PFKFB3: variants seen among roughly 807,000 people sequenced by gnomAD.
The protein encoded by PFKFB3 is 6-phosphofructo-2-kinase/fructose-2,6-biphosphatase 3.
PFKFB3 carries 33 observed loss-of-function variants against 68.0 expected under a neutral mutation model. The ratio of observed to expected loss-of-function variants is 0.49; its 90% confidence interval spans 0.37 to 0.65. The LOEUF is 0.65. Ranked by LOEUF, PFKFB3 falls within the 30% of genes least tolerant of loss-of-function variation. PFKFB3 has a pLI of 0.00. For missense variants in PFKFB3, 586 were observed against 712.2 expected (o/e 0.82, Z 2.02); for synonymous variants, 315 against 288.2 (o/e 1.09, Z -0.94).
the PFKFB3 span, among the ~76,000 whole-genome samples, chr10:6,262,433 C>G: frequency 3.5e-5 from 4 of 114,144 alleles, no homozygotes; most frequent in Non-Finnish European, 4.9e-5. Flanking sequence ...CCAGCCTGGG[C>G]GACAGCGAGA....
At chr10:6,159,872 C>G (rs921437286) in intron 1 of PFKFB3, among the ~76,000 whole-genome samples, 2 of 151,770 alleles carry the variant, frequency 1.3e-5, no homozygotes, top group Non-Finnish European at 2.9e-5. Flanking sequence ...AATCCCCCCA[C>G]CTCAGCCTCC....
intron 1 of PFKFB3, among the ~76,000 whole-genome samples, chr10:6,156,311 A>G (rs1841790305): frequency 6.6e-6 from 1 of 150,610 alleles, no homozygotes. Flanking sequence ...GCGCCACCAC[A>G]GTCTGCTTTT....
chr10:6,254,375 C>T (rs1039584166), exon 15 of PFKFB3: 1 of 398,556 alleles, frequency 2.5e-6, no homozygotes, highest in Non-Finnish European at 4.4e-6. Flanking sequence ...CCTAATGATA[C>T]CTGGCTGAAA....
chr10:6,271,741 C>T, the PFKFB3 span, among the ~76,000 whole-genome samples: 1 of 152,120 alleles, frequency 6.6e-6, no homozygotes, highest in Non-Finnish European at 1.5e-5. Flanking sequence ...ATACTGTGAC[C>T]CCAAATAGCC....
rs111595121 is a variant in PFKFB3, at chr10:6,164,917, G to A, written c.16+19904G>A. On this transcript the variant is annotated intron_variant, in intron 1 of 14. Coordinates refer to the PFKFB3 transcript ENST00000379789. Reference sequence around the variant, plus strand: ...CTCCTATCTCAGAATAGAACGAATGGGATTGGTCTGCTTTACACCGAGACA... The same window carrying A: ...CTCCTATCTCAGAATAGAACGAATGAGATTGGTCTGCTTTACACCGAGACA... Among the ~76,000 whole-genome samples, 360 of 152,116 alleles carry A rather than the reference G, an allele frequency of 2.4e-3. 2 individuals carry two copies. The highest frequency in any genetic ancestry group is 8.0e-3 in the African/African-American group (333 of 41,492).
rs371698685 is a variant in PFKFB3 at position 6,213,654 on chromosome 10, C to T, written c.108C>T (p.Thr36=). Residue 36 remains threonine, a synonymous_variant, in exon 2 of 15, where the codon ACC becomes ACT. Coordinates refer to ENST00000379775, the MANE Select transcript of PFKFB3 (RefSeq NM_004566.4). ...GGCCAAAGCTGACCAACTCCCCCACCGTCATCGTCATGGTGGGCCTCCCCG... is the reference window on the plus strand; with the variant it reads ...GGCCAAAGCTGACCAACTCCCCCACTGTCATCGTCATGGTGGGCCTCCCCG... ...SCGPKLTNSP[T]VIVMVGLPAR... 37 of 1,613,232 alleles carry T rather than the reference C, an allele frequency of 2.3e-5. No homozygotes were observed. The highest frequency in any genetic ancestry group is 1.2e-4 in the African/African-American group (9 of 75,034).
intron 1 of PFKFB3, chr10:6,197,623 C>T (rs551725317): frequency 1.3e-5 from 2 of 151,582 alleles, no homozygotes; most frequent in South Asian, 4.2e-4. Flanking sequence ...TCCTCCACAT[C>T]TTTTATTTTT....
At chr10:6,277,536 A>G in the PFKFB3 span, among the ~76,000 whole-genome samples, 1 of 152,000 alleles carries the variant, frequency 6.6e-6, no homozygotes, top group Non-Finnish European at 1.5e-5. Context: ...GGTGGTTTCT[A>G]ATGGTTTACA....
chr10:6,323,610 T>C, the PFKFB3 span, among the ~76,000 whole-genome samples: 3 of 152,208 alleles, frequency 2.0e-5, no homozygotes, highest in Admixed American at 1.3e-4. Context: ...CACATACAGA[T>C]TGAGAAATTT....
the PFKFB3 span, among the ~76,000 whole-genome samples, chr10:6,262,359 C>G: frequency 1.3e-5 from 1 of 76,438 alleles, no homozygotes; most frequent in Non-Finnish European, 2.9e-5. Context: ...GAGGCTGAGG[C>G]AGGAGAATGG....
chr10:6,292,644 A>G, the PFKFB3 span, among the ~76,000 whole-genome samples: 1 of 152,098 alleles, frequency 6.6e-6, no homozygotes, highest in East Asian at 1.9e-4. Context: ...ATTAAAAAAA[A>G]AAAAAACTAT....
chr10:6,214,742 C>G (rs990538071), intron 2 of PFKFB3, among the ~76,000 whole-genome samples: 1 of 152,190 alleles, frequency 6.6e-6, no homozygotes, highest in Non-Finnish European at 1.5e-5. Context: ...CAGCTCAGTG[C>G]CCAGGAACCA....
Position 6,173,419 on chromosome 10 carries a change from C to T in PFKFB3, c.16+28406C>T, listed in dbSNP as rs535678123. Among the ~76,000 whole-genome samples the T allele has an allele frequency of 1.1e-4, 16 of 152,260 alleles. No homozygotes were observed. In the Middle Eastern group the frequency reaches 0.01, roughly 97 times the overall value. ...GTGTCCTGTGCATATGGTTACAGCA[C>T]CGCTTCCTGTGAAGGAGTTGAGCTA... is the stretch of plus-strand genomic sequence containing the variant. On this transcript the variant is annotated intron_variant, in intron 1 of 14. Transcript: ENST00000379789.
chr10:6,192,664 C>CGTGTGTGTGTGTGTGTGTGTGTGT (rs34129264), intron 1 of PFKFB3, among the ~76,000 whole-genome samples: 1 of 128,792 alleles, frequency 7.8e-6, no homozygotes, highest in African/African-American at 2.8e-5. Context: ...TCCCCTCACC[C>CGTGTGTGTGTGTGTGTGTGTGTGT]GTGTGTGTGT....
At chr10:6,241,052 A>G (rs1846128384) in intron 14 of PFKFB3, among the ~76,000 whole-genome samples, 1 of 151,936 alleles carries the variant, frequency 6.6e-6, no homozygotes, top group South Asian at 2.1e-4. Context: ...TTACAGGTGC[A>G]CACCACCATG....
intron 1 of PFKFB3, among the ~76,000 whole-genome samples, chr10:6,160,478 G>A (rs1408860263): frequency 6.6e-6 from 1 of 152,160 alleles, no homozygotes; most frequent in Non-Finnish European, 1.5e-5. Flanking sequence ...AGCACTTTGG[G>A]AGGCTGAGGC....
intron 1 of PFKFB3, among the ~76,000 whole-genome samples, chr10:6,209,765 C>CTTTTTT (rs56822740): frequency 2.5e-5 from 3 of 121,266 alleles, no homozygotes; most frequent in Non-Finnish European, 1.6e-5. Context: ...CTTACCTTTT[C>CTTTTTT]TTTTTTTTTT....
chr10:6,203,123 C>T lies in PFKFB3; in HGVS notation c.-138C>T, dbSNP rs1843442982. 3.4e-6 allele frequency: 5 copies of T among 1,484,918 alleles called. No individual in the cohort carries two copies. In the African/African-American group the frequency reaches 5.8e-5, roughly 17 times the overall value. 92.0% of individuals were successfully genotyped at this position (1,484,918 alleles called of 1,614,324 possible). ...GAACTTAGCCCAAAGCACGTTTCCC[C>T]TGGCAGCGCAGGAAACGCCCGGCCG... On this transcript the variant is annotated 5_prime_UTR_variant, in exon 1 of 15. Transcript: ENST00000379775.
rs567983877 is a variant in PFKFB3 at position 6,228,408 on chromosome 10, C to T, written c.1515+2043C>T. Reference sequence around the variant, plus strand: ...GAATGTTTTTGGAAAAGCGTGCAGGCGGTCATGGTGGCTGCACTACTGTTG... The same window carrying T: ...GAATGTTTTTGGAAAAGCGTGCAGGTGGTCATGGTGGCTGCACTACTGTTG... On this transcript the variant is annotated intron_variant, in intron 14 of 14. Coordinates refer to ENST00000379775, the MANE Select transcript of PFKFB3 (RefSeq NM_004566.4). The surrounding 1 kb of genome is among the most constrained non-coding windows in gnomAD (Gnocchi z 4.5). 30 of 670,954 alleles carry T rather than the reference C, an allele frequency of 4.5e-5. No homozygotes were observed. Among genetic ancestry groups the T allele is most frequent in the Admixed American group, 6.4e-5 (3 of 47,160 alleles). The allele number at this position is 670,954 out of a possible 1,614,324, so 41.6% of individuals were successfully genotyped here.
Sources: gnomAD v4.1 joint callset for allele counts (sites outside exome capture counted in the v4.1 genomes callset) on GRCh38, gnomAD v4.1.1 for gene constraint, Gnocchi (gnomAD v3.1) non-coding constraint, MANE v1.5 for transcripts, NCBI Gene and HGNC (gene_info 2026-07-23, HGNC 2026-07-21) for gene names.